PHF20: variants seen among roughly 807,000 people sequenced by gnomAD.
The protein encoded by PHF20 is PHD finger protein 20.
Under a neutral mutation model 113.5 loss-of-function variants are expected in PHF20, and 23 were observed. That is an observed-to-expected ratio of 0.20 (90% CI 0.15 to 0.29). The LOEUF (loss-of-function observed/expected upper bound fraction) is 0.29. Ranked by LOEUF, PHF20 falls within the 10% of genes least tolerant of loss-of-function variation. PHF20 has a pLI of 1.00. For synonymous variants in PHF20, 434 were observed against 457.3 expected, an observed-to-expected ratio of 0.95 and a Z score of 0.65; for missense variants, 943 against 1,219.6, an observed-to-expected ratio of 0.77 and a Z score of 3.38.
At chr20:35,810,562 A>C (rs1302017499) in intron 2 of PHF20, among the ~76,000 whole-genome samples, 1 of 152,156 alleles carries the variant, frequency 6.6e-6, no homozygotes, top group East Asian at 1.9e-4. Flanking sequence ...TATGAGCCTC[A>C]TTTTAGCAGT....
intron 3 of PHF20, among the ~76,000 whole-genome samples, chr20:35,844,543 C>CCACA (rs61622083): frequency 0.012 from 1,407 of 117,704 alleles, 23 homozygotes; most frequent in African/African-American, 0.035. Context: ...TTCACCATCA[C>CCACA]CACACACACA....
intron 2 of PHF20, among the ~76,000 whole-genome samples, chr20:35,808,865 C>T (rs954710688): frequency 1.3e-5 from 2 of 151,832 alleles, no homozygotes; most frequent in Admixed American, 6.6e-5. Context: ...AGCCACCGCA[C>T]CTGGCCCCAA....
intron 1 of PHF20, among the ~76,000 whole-genome samples, chr20:35,781,630 C>T (rs2041298454): frequency 6.6e-6 from 1 of 152,176 alleles, no homozygotes; most frequent in Non-Finnish European, 1.5e-5. Context: ...TCACCACTCT[C>T]CATCTCCGTA....
chr20:35,834,070 A>ATAAT (rs1441485606), intron 2 of PHF20, among the ~76,000 whole-genome samples: 5 of 150,250 alleles, frequency 3.3e-5, no homozygotes, highest in Admixed American at 6.7e-5. Flanking sequence ...AAATAAATAA[A>ATAAT]TAAATAAATA....
chr20:35,879,233 A>AAT (rs1353352581), intron 9 of PHF20, among the ~76,000 whole-genome samples: 1 of 152,140 alleles, frequency 6.6e-6, no homozygotes, highest in Non-Finnish European at 1.5e-5. Context: ...CACAACTGAC[A>AAT]ATATATATAT....
intron 2 of PHF20, among the ~76,000 whole-genome samples, chr20:35,821,806 A>G (rs1359945449): frequency 6.6e-6 from 1 of 152,158 alleles, no homozygotes; most frequent in Non-Finnish European, 1.5e-5. Flanking sequence ...GTTGATGAGA[A>G]GTGATCAGCG....
intron 1 of PHF20, among the ~76,000 whole-genome samples, chr20:35,793,307 T>A (rs1003108670): frequency 6.6e-6 from 1 of 151,430 alleles, no homozygotes. Flanking sequence ...TTTTCTTTTT[T>A]TTTTTTTTTG....
intron 1 of PHF20, among the ~76,000 whole-genome samples, chr20:35,789,437 A>G (rs567557806): frequency 5.9e-5 from 9 of 151,764 alleles, no homozygotes; most frequent in African/African-American, 2.2e-4. Flanking sequence ...TCAAAAAAAA[A>G]AAAAAAACAA....
At chr20:35,783,285 C>T (rs999864571) in intron 1 of PHF20, among the ~76,000 whole-genome samples, 13 of 152,126 alleles carry the variant, frequency 8.5e-5, no homozygotes, top group Admixed American at 7.2e-4. Flanking sequence ...GTATATGTTA[C>T]CATTATTACT....
chr20:35,772,233 C>G (rs942979963), intron 1 of PHF20, among the ~76,000 whole-genome samples, 154 bp downstream of exon 1: 2 of 151,746 alleles, frequency 1.3e-5, no homozygotes, highest in African/African-American at 2.4e-5. Context: ...CTCGCCCAGC[C>G]TGGAGGGAGG....
intron 10 of PHF20, among the ~76,000 whole-genome samples, chr20:35,902,476 G>A (rs1208267637): frequency 1.3e-5 from 2 of 152,194 alleles, no homozygotes; most frequent in African/African-American, 2.4e-5. Context: ...CCATCGTGGT[G>A]TGTGCTCTCT....
intron 5 of PHF20, among the ~76,000 whole-genome samples, chr20:35,858,601 C>T (rs1376714977): frequency 6.6e-6 from 1 of 152,154 alleles, no homozygotes; most frequent in Non-Finnish European, 1.5e-5. Context: ...AACAGAGTCC[C>T]GCTCTGTCGC....
chr20:35,889,753 G>A (rs887808958), intron 9 of PHF20, among the ~76,000 whole-genome samples: 2 of 150,698 alleles, frequency 1.3e-5, no homozygotes, highest in African/African-American at 2.4e-5. Flanking sequence ...TTTGAGACAG[G>A]GTCTCACTCT....
At chr20:35,805,748 G>A (rs2041867945) in intron 2 of PHF20, among the ~76,000 whole-genome samples, 1 of 152,010 alleles carries the variant, frequency 6.6e-6, no homozygotes, top group Non-Finnish European at 1.5e-5. Context: ...CCAAAATGCT[G>A]GGGTTACAGG....
chr20:35,928,005 C>T, intron 14 of PHF20, 126 bp downstream of exon 14: 5 of 703,920 alleles, frequency 7.1e-6, no homozygotes, highest in Non-Finnish European at 1.3e-5. Flanking sequence ...GACTCCAGCT[C>T]CTCCTCGCCT....
At chr20:35,921,807 T>A (rs1568770530) in intron 13 of PHF20, among the ~76,000 whole-genome samples, 1 of 152,216 alleles carries the variant, frequency 6.6e-6, no homozygotes, top group South Asian at 2.1e-4. Context: ...GTTTCTACTC[T>A]GTCATCCTTG....
At chr20:35,779,561 T>C (rs915985847) in intron 1 of PHF20, among the ~76,000 whole-genome samples, 4 of 150,942 alleles carry the variant, frequency 2.7e-5, no homozygotes, top group Admixed American at 2.0e-4. Context: ...TCTCACTCTG[T>C]CGCCCAGAAG....
chr20:35,786,346 G>T (rs111842020), intron 1 of PHF20, among the ~76,000 whole-genome samples: 1 of 151,920 alleles, frequency 6.6e-6, no homozygotes, highest in African/African-American at 2.4e-5. Context: ...AGCCGAGATC[G>T]CGCCACTGCA....
intron 2 of PHF20, among the ~76,000 whole-genome samples, chr20:35,803,253 G>GAA (rs200855143): frequency 7.8e-6 from 1 of 128,242 alleles, no homozygotes; most frequent in Non-Finnish European, 1.7e-5. Flanking sequence ...CTCCGTCCCG[G>GAA]AAAAAAAAAA....
Sources: allele counts gnomAD v4.1 joint callset (sites outside exome capture counted in the v4.1 genomes callset), GRCh38; gene constraint gnomAD v4.1.1; transcripts MANE v1.5; gene names NCBI Gene and HGNC (gene_info 2026-07-23, HGNC 2026-07-21).